Variants in ARL5A observed in about 807,000 individuals in gnomAD.
ARL5A encodes ARF like GTPase 5A.
Under a neutral mutation model 25.9 loss-of-function variants are expected in ARL5A, and 18 were observed. That is an observed-to-expected ratio of 0.69 (90% CI 0.48 to 1.03). The LOEUF (loss-of-function observed/expected upper bound fraction) is 1.03, where lower values mean the gene tolerates loss of function less well. Ranked by LOEUF, ARL5A falls within the 50% of genes least tolerant of loss-of-function variation. ARL5A has a pLI of 0.00. For synonymous variants in ARL5A, 61 were observed against 67.5 expected (o/e 0.90, Z 0.47); for missense variants, 170 against 211.9 (o/e 0.80, Z 1.23).
chr2:151,822,480 T>C (rs1357098942), intron 1 of ARL5A, among the ~76,000 whole-genome samples: 1 of 152,244 alleles, frequency 6.6e-6, no homozygotes, highest in Non-Finnish European at 1.5e-5. Context: ...CAATTTCCTC[T>C]GAACATCCTT....
intron 3 of ARL5A, 119 bp from the exon 4 acceptor site, chr2:151,812,559 T>A (rs1432121907): frequency 1.6e-6 from 1 of 609,880 alleles, no homozygotes; most frequent in African/African-American, 1.9e-5. Context: ...TATGGTATTG[T>A]TGGAAAATCA....
rs1325660594 is a variant in ARL5A at position 151,814,282 on chromosome 2, T to C, written c.142A>G (p.Ile48Val). 3.8e-6 allele frequency: 6 copies of C among 1,591,658 alleles called. No individual in the cohort carries two copies. The highest frequency in any genetic ancestry group is 5.1e-6 in the Non-Finnish European group (6 of 1,171,164). Residue 48 changes from isoleucine to valine, a missense_variant, in exon 3 of 6, where the codon ATA becomes GTA. By Grantham distance (29) the Ile-to-Val change is conservative. Transcript: ENST00000295087. ...ACTATCTCTTCTACATTACTTCCTA[T>C]TGTAGGAGATGTATGTACAACTTCA... ...MNEVVHTSPT[I>V]GSNVEEIVIN...
chr2:151,826,928 CTGTGTG>C (rs202078189), intron 1 of ARL5A, among the ~76,000 whole-genome samples: 48 of 150,874 alleles, frequency 3.2e-4, no homozygotes, highest in African/African-American at 7.7e-4. Flanking sequence ...ACCTACACAT[CTGTGTG>C]TGTGTGTGTG....
rs1553735361 is a variant in ARL5A, at chr2:151,828,194, C to CCA, written c.-19_-18insTG. On this transcript the variant is annotated 5_prime_UTR_variant, in exon 1 of 6. Coordinates refer to ENST00000295087, the MANE Select transcript of ARL5A (RefSeq NM_012097.4). ...ATTCCCATTCTCGGGCAGCGGACCC[C>CCA]CCCCCTCCAGACACCCGGGCCGCCT... 4 of 1,605,242 alleles carry CCA rather than the reference C, an allele frequency of 2.5e-6. No individual in the cohort carries two copies. The Admixed American group carries it at 6.8e-5, about 27-fold the overall frequency.
At chr2:151,827,230 G>A (rs545127877) in intron 1 of ARL5A, among the ~76,000 whole-genome samples, 3 of 152,202 alleles carry the variant, frequency 2.0e-5, no homozygotes, top group African/African-American at 7.2e-5. Flanking sequence ...CCAGTCTTTG[G>A]GTTAAAATTG....
intron 1 of ARL5A, among the ~76,000 whole-genome samples, chr2:151,815,916 A>AT (rs1400497776): frequency 6.7e-6 from 1 of 149,640 alleles, no homozygotes; most frequent in African/African-American, 2.5e-5. Flanking sequence ...TGTAAGACCC[A>AT]TCTATTTCCA....
chr2:151,805,530 T>C (rs2099829975), intron 5 of ARL5A, among the ~76,000 whole-genome samples: 1 of 152,230 alleles, frequency 6.6e-6, no homozygotes. Context: ...GGATACATTC[T>C]GAGAAATGTG....
chr2:151,806,769 T>C lies in ARL5A; in HGVS notation c.491+52A>G, dbSNP rs1370027500. The C allele has an allele frequency of 3.2e-6, 5 of 1,548,072 alleles. No individual in the cohort carries two copies. In the African/African-American group the frequency reaches 5.6e-5, roughly 17 times the overall value. ...TTTAGGAGTTTAAAGAAGATATACA[T>C]GTTACTAAGCAAAATAAATGTTCGA... On this transcript the variant is annotated intron_variant, in intron 5 of 5. Transcript: ENST00000295087.
At chr2:151,814,681 GAGT>G (rs1239688639) in intron 2 of ARL5A, among the ~76,000 whole-genome samples, 1 of 151,928 alleles carries the variant, frequency 6.6e-6, no homozygotes, top group Admixed American at 6.6e-5. Context: ...TCAGTCTCCT[GAGT>G]AGCTGGAACT....
intron 1 of ARL5A, among the ~76,000 whole-genome samples, chr2:151,816,840 T>C (rs1304378351): frequency 2.0e-5 from 3 of 152,190 alleles, no homozygotes; most frequent in Non-Finnish European, 4.4e-5. Context: ...GGCCATTCAA[T>C]AACGAGGGTA....
At chr2:151,820,427 A>C (rs1397683224) in intron 1 of ARL5A, among the ~76,000 whole-genome samples, 1 of 152,134 alleles carries the variant, frequency 6.6e-6, no homozygotes, top group African/African-American at 2.4e-5. Flanking sequence ...TGGGGGGCTG[A>C]GGCGGGTGGA....
chr2:151,805,580 T>C (rs1247310387), intron 5 of ARL5A, among the ~76,000 whole-genome samples: 2 of 152,190 alleles, frequency 1.3e-5, no homozygotes, highest in African/African-American at 2.4e-5. Context: ...AGAGTGTACT[T>C]ACACAAACCT....
At chr2:151,815,777 T>G (rs1396265085) in intron 1 of ARL5A, among the ~76,000 whole-genome samples, 1 of 152,160 alleles carries the variant, frequency 6.6e-6, no homozygotes, top group Non-Finnish European at 1.5e-5. Flanking sequence ...GGCACCACTT[T>G]CTCCAAGTTT....
intron 4 of ARL5A, 75 bp from the exon 5 acceptor site, chr2:151,807,047 T>C: frequency 5.8e-6 from 8 of 1,369,688 alleles, no homozygotes; most frequent in Non-Finnish European, 8.0e-6. Context: ...AGAATCTTTT[T>C]CACAATCTTA....
intron 1 of ARL5A, among the ~76,000 whole-genome samples, chr2:151,815,604 G>A (rs762426838): frequency 6.6e-6 from 1 of 152,224 alleles, no homozygotes; most frequent in Non-Finnish European, 1.5e-5. Flanking sequence ...CTGGGTGCAT[G>A]TGTGTGGAGT....
chr2:151,817,706 A>G (rs988144595), intron 1 of ARL5A, among the ~76,000 whole-genome samples: 5 of 152,252 alleles, frequency 3.3e-5, no homozygotes, highest in African/African-American at 1.2e-4. Flanking sequence ...AATAATTTAA[A>G]GACCTAGGGC....
Position 151,801,335 on chromosome 2 carries a change from T to A in ARL5A, c.*1941A>T, listed in dbSNP as rs1054883. The A allele has an allele frequency of 0.68, 103,467 of 152,040 alleles. 39,090 individuals carry two copies. The highest frequency in any genetic ancestry group is 0.84 in the Non-Finnish European group (57,161 of 67,960). 9.4% of individuals were successfully genotyped at this position (152,040 alleles called of 1,614,324 possible). A position where few individuals can be genotyped will look rare whatever the true frequency, so the allele number is the denominator to read the frequency against. On this transcript the variant is annotated 3_prime_UTR_variant, in exon 6 of 6. Coordinates refer to ENST00000295087, the MANE Select transcript of ARL5A (RefSeq NM_012097.4). ...TCGTGTTAAACTGATGTGGCAGTAA[T>A]CCAAGGGACTAAGCACATGATTATT...
chr2:151,815,293 T>C, intron 1 of ARL5A, 94 bp from the exon 2 acceptor site: 2 of 1,007,060 alleles, frequency 2.0e-6, no homozygotes, highest in South Asian at 1.5e-5. Context: ...CACCCTTCTA[T>C]CTATGGCATA....
At chr2:151,819,648 C>T (rs1212171649) in intron 1 of ARL5A, among the ~76,000 whole-genome samples, 3 of 151,994 alleles carry the variant, frequency 2.0e-5, no homozygotes, top group East Asian at 1.9e-4. Context: ...AAGTGGTCTC[C>T]TTACTTCAGC....
Sources: gnomAD v4.1 joint callset for allele counts (sites outside exome capture counted in the v4.1 genomes callset) on GRCh38, gnomAD v4.1.1 for gene constraint, MANE v1.5 for transcripts, NCBI Gene and HGNC (gene_info 2026-07-23, HGNC 2026-07-21) for gene names.